Variants in FBXL7 observed in about 807,000 individuals in gnomAD.
FBXL7 encodes the protein F-box and leucine rich repeat protein 7.
FBXL7 carries 12 observed loss-of-function variants against 38.3 expected under a neutral mutation model. The ratio of observed to expected loss-of-function variants is 0.31; its 90% CI spans 0.20 to 0.51. The LOEUF is 0.51. Among genes scored for constraint, FBXL7 ranks in the 20% least tolerant of loss-of-function variants. FBXL7 has a pLI of 0.98. For missense variants in FBXL7, 567 were observed against 676.4 expected (o/e 0.84, Z 1.79); for synonymous variants, 297 against 300.9 (o/e 0.99, Z 0.13).
intron 1 of FBXL7, among the ~76,000 whole-genome samples, chr5:15,601,289 G>A (rs1739781431): frequency 6.6e-6 from 1 of 151,972 alleles, no homozygotes; most frequent in South Asian, 2.1e-4. Context: ...CTTGGGAGTG[G>A]TGCAAATTGT....
chr5:15,855,119 A>T (rs571486758), intron 2 of FBXL7, among the ~76,000 whole-genome samples: 1 of 152,186 alleles, frequency 6.6e-6, no homozygotes, highest in Admixed American at 6.5e-5. Context: ...GCTAATTTTC[A>T]TAGAAAATTA....
intron 1 of FBXL7, among the ~76,000 whole-genome samples, chr5:15,533,738 A>G (rs1178325418): frequency 2.0e-5 from 3 of 152,166 alleles, no homozygotes; most frequent in Non-Finnish European, 4.4e-5. Context: ...GCTTGGCAGA[A>G]TCAAAGGCCA....
intron 2 of FBXL7, among the ~76,000 whole-genome samples, chr5:15,650,919 T>C (rs1216985635): frequency 1.3e-5 from 2 of 152,024 alleles, no homozygotes; most frequent in Non-Finnish European, 2.9e-5. Context: ...TCCATGAGGT[T>C]TGGAATCAAC....
chr5:15,641,517 TG>T lies in FBXL7; in HGVS notation c.127+25447del, dbSNP rs1397918371. 2.0e-5 allele frequency among the ~76,000 whole-genome samples: 3 copies of T among 151,402 alleles called. No individual in the cohort carries two copies. The East Asian group carries it at 5.8e-4, about 29-fold the overall frequency. ...TATGACTGCCATTTTTTTTTTTTTT[TG>T]GTGGCAGTGATTAATATTATGTGTC... is the stretch of plus-strand genomic sequence containing the variant. On this transcript the variant is annotated intron_variant, in intron 2 of 3. Coordinates refer to ENST00000504595, the MANE Select transcript of FBXL7 (RefSeq NM_012304.5).
Position 15,623,576 on chromosome 5 carries a change from G to T in FBXL7, c.127+7504G>T, listed in dbSNP as rs75740156. Among the ~76,000 whole-genome samples the T allele has an allele frequency of 2.0e-5, 3 of 152,222 alleles. No homozygotes were observed. The East Asian group carries it at 5.8e-4, about 29-fold the overall frequency. ...TATTTTGAAAATGCCCAGACATCTG[G>T]CTTTGCTTTCGTTCTGTTGTCCTTA... On this transcript the variant is annotated intron_variant, in intron 2 of 3. Coordinates refer to ENST00000504595, the MANE Select transcript of FBXL7 (RefSeq NM_012304.5).
At chr5:15,892,976 CGTG>C (rs1367037629) in intron 2 of FBXL7, among the ~76,000 whole-genome samples, 1 of 151,966 alleles carries the variant, frequency 6.6e-6, no homozygotes, top group African/African-American at 2.4e-5. Context: ...ATTAGCTGGG[CGTG>C]GTGGTGGGCA....
intron 2 of FBXL7, among the ~76,000 whole-genome samples, chr5:15,748,301 T>G (rs962181027): frequency 6.6e-6 from 1 of 152,254 alleles, no homozygotes; most frequent in African/African-American, 2.4e-5. Flanking sequence ...TTCATTATTG[T>G]GTCCTCCATG....
chr5:15,917,674 G>A (rs796586835), intron 2 of FBXL7, among the ~76,000 whole-genome samples: 20 of 83,194 alleles, frequency 2.4e-4, no homozygotes, highest in Non-Finnish European at 1.9e-4. Flanking sequence ...AGGAAGGAAG[G>A]AAGGAAGGAA....
intron 2 of FBXL7, among the ~76,000 whole-genome samples, chr5:15,815,074 T>C (rs1275161386): frequency 1.3e-5 from 2 of 152,184 alleles, no homozygotes; most frequent in African/African-American, 2.4e-5. Flanking sequence ...ATTTAACAAT[T>C]CTTAATTATG....
intron 2 of FBXL7, among the ~76,000 whole-genome samples, chr5:15,804,063 G>A (rs1737642112): frequency 6.6e-6 from 1 of 152,142 alleles, no homozygotes; most frequent in African/African-American, 2.4e-5. Context: ...TGTCCCTTCT[G>A]ACCCAAATAT....
chr5:15,692,251 A>G (rs528162934), intron 2 of FBXL7, among the ~76,000 whole-genome samples: 2 of 152,324 alleles, frequency 1.3e-5, no homozygotes, highest in African/African-American at 4.8e-5. Context: ...AGAGATGGGA[A>G]TTAACTGAGG....
At chr5:15,675,615 A>G (rs978731312) in intron 2 of FBXL7, among the ~76,000 whole-genome samples, 6 of 152,212 alleles carry the variant, frequency 3.9e-5, no homozygotes, top group African/African-American at 1.4e-4. Context: ...GCCCTCTCTC[A>G]GGGGGCTTCC....
chr5:15,853,457 G>A (rs1472739146), intron 2 of FBXL7, among the ~76,000 whole-genome samples: 1 of 152,084 alleles, frequency 6.6e-6, no homozygotes, highest in Non-Finnish European at 1.5e-5. Context: ...GTTGAGAGAT[G>A]GTACTTGGGG....
At chr5:15,516,540 A>G (rs1158678908) in intron 1 of FBXL7, among the ~76,000 whole-genome samples, 1 of 152,192 alleles carries the variant, frequency 6.6e-6, no homozygotes, top group Admixed American at 6.5e-5. Context: ...GTATCCATGT[A>G]CCAGAGTCTA....
At chr5:15,806,305 A>G (rs1255132610) in intron 2 of FBXL7, among the ~76,000 whole-genome samples, 2 of 152,226 alleles carry the variant, frequency 1.3e-5, no homozygotes, top group Non-Finnish European at 2.9e-5. Flanking sequence ...CCCAAATGCT[A>G]GCACTTAGTG....
intron 2 of FBXL7, among the ~76,000 whole-genome samples, chr5:15,842,561 C>G (rs910975645): frequency 1.3e-5 from 2 of 152,122 alleles, no homozygotes; most frequent in East Asian, 3.9e-4. Context: ...TTGGGAGGGT[C>G]CCAGGGTGTA....
chr5:15,890,775 T>G (rs1210655964), intron 2 of FBXL7, among the ~76,000 whole-genome samples: 3 of 152,172 alleles, frequency 2.0e-5, no homozygotes, highest in African/African-American at 7.2e-5. Flanking sequence ...AAAATGAAGA[T>G]CTACGTGATT....
At position 15,500,620 on chromosome 5, in the gene FBXL7, G is replaced by C. The variant is rs1736462120; in HGVS notation, c.-57G>C. 1.2e-6 allele frequency: 2 copies of C among 1,611,990 alleles called. No individual in the cohort carries two copies. Among genetic ancestry groups the C allele is most frequent in the Non-Finnish European group, 8.5e-7 (1 of 1,178,508 alleles). On this transcript the variant is annotated 5_prime_UTR_variant, in exon 1 of 4. Coordinates refer to ENST00000504595, the MANE Select transcript of FBXL7 (RefSeq NM_012304.5). ...GGGCTTTCCTCGGGCCGAGCGCGCA[G>C]GACGTGCGCCGCAGCTATGGAGTGT...
At chr5:15,566,693 G>A (rs2126444685) in intron 1 of FBXL7, among the ~76,000 whole-genome samples, 1 of 152,152 alleles carries the variant, frequency 6.6e-6, no homozygotes, top group Admixed American at 6.5e-5. Flanking sequence ...AATACTAAAA[G>A]CATTTGGAAA....
Sources: gnomAD v4.1 joint callset for allele counts (sites outside exome capture counted in the v4.1 genomes callset) on GRCh38, gnomAD v4.1.1 for gene constraint, MANE v1.5 for transcripts, NCBI Gene and HGNC (gene_info 2026-07-23, HGNC 2026-07-21) for gene names.